ALDH3B2: variants seen among roughly 807,000 people sequenced by gnomAD.
ALDH3B2 encodes the protein aldehyde dehydrogenase 3 family member B2.
A neutral mutation model predicts 36.7 loss-of-function variants in ALDH3B2; 45 were observed. That is an observed-to-expected ratio of 1.23 (90% CI 0.97 to 1.57). The LOEUF (loss-of-function observed/expected upper bound fraction) is 1.57. Ranked by LOEUF, ALDH3B2 falls within the 40% of genes most tolerant of loss-of-function variation. The probability of loss-of-function intolerance (pLI) is 0.00; values close to 1 mark genes in which losing one functional copy is unlikely to be tolerated. For synonymous variants in ALDH3B2, 217 were observed against 226.5 expected, an observed-to-expected ratio of 0.96 and a Z score of 0.38; for missense variants, 464 against 513.3, an observed-to-expected ratio of 0.90 and a Z score of 0.93.
intron 5 of ALDH3B2, 39 bp downstream of exon 5, chr11:67,666,277 T>G: frequency 6.2e-7 from 1 of 1,611,940 alleles, no homozygotes; most frequent in Non-Finnish European, 8.5e-7. Context: ...GGGTGATATA[T>G]GGGGACGTCG....
rs111286973 is a variant in ALDH3B2 at position 67,672,620 on chromosome 11, A to G, written c.-245+1817T>C. 1.6e-3 allele frequency among the ~76,000 whole-genome samples: 244 copies of G among 150,736 alleles called. 4 individuals are homozygous for G. The highest frequency in any genetic ancestry group is 5.7e-3 in the African/African-American group (233 of 40,968). ...TTTTTTTTTTTTAAGATGGAGTCTC[A>G]TTCTGTCACCCAGGCTGGAGTGCAA... On this transcript the variant is annotated intron_variant, in intron 1 of 9. Coordinates refer to ENST00000349015, the Ensembl canonical transcript of ALDH3B2.
At chr11:67,666,772 T>A in intron 3 of ALDH3B2, 78 bp from the exon 4 acceptor site, 1 of 1,608,268 alleles carries the variant, frequency 6.2e-7, no homozygotes, top group Non-Finnish European at 8.5e-7. Context: ...GGGCCTCAGC[T>A]CCCTGTGCGA....
chr11:67,679,237 G>A (rs1856324827), upstream of ALDH3B2, among the ~76,000 whole-genome samples: 2 of 152,136 alleles, frequency 1.3e-5, no homozygotes, highest in South Asian at 2.1e-4. Context: ...GGAGGCTGAG[G>A]TGGACGGATC....
chr11:67,675,534 A>G (rs1028302775), upstream of ALDH3B2, among the ~76,000 whole-genome samples: 1 of 152,204 alleles, frequency 6.6e-6, no homozygotes, highest in African/African-American at 2.4e-5. Context: ...TGAGGGCTGT[A>G]GAGAGTCTCT....
intron 2 of ALDH3B2, 26 bp downstream of exon 2, chr11:67,667,447 G>A: frequency 2.7e-6 from 1 of 366,570 alleles, no homozygotes; most frequent in African/African-American, 2.1e-5. Flanking sequence ...TCCAGCCCCT[G>A]CCGGGGCCCA....
chr11:67,678,392 G>C (rs180923952), upstream of ALDH3B2, among the ~76,000 whole-genome samples: 92 of 152,156 alleles, frequency 6.0e-4, no homozygotes, highest in African/African-American at 2.0e-3. Context: ...TTCAACAAAT[G>C]GTCCTGGGAT....
upstream of ALDH3B2, among the ~76,000 whole-genome samples, chr11:67,678,599 A>T (rs1399893082): frequency 6.6e-6 from 1 of 151,320 alleles, no homozygotes; most frequent in Non-Finnish European, 1.5e-5. Flanking sequence ...ATATATATAT[A>T]CACACACACA....
upstream of ALDH3B2, among the ~76,000 whole-genome samples, chr11:67,676,871 G>A (rs1383642457): frequency 1.3e-5 from 2 of 151,996 alleles, no homozygotes; most frequent in Non-Finnish European, 2.9e-5. Flanking sequence ...TTACATTCCT[G>A]GAAAAATACA....
At chr11:67,665,919 C>A (rs1209600800) in intron 6 of ALDH3B2, among the ~76,000 whole-genome samples, 2 of 152,194 alleles carry the variant, frequency 1.3e-5, no homozygotes, top group African/African-American at 2.4e-5. Context: ...CCCACTGGGA[C>A]CTGCCTCCAG....
At chr11:67,666,720 C>T in intron 3 of ALDH3B2, 26 bp from the exon 4 acceptor site, 1 of 1,613,338 alleles carries the variant, frequency 6.2e-7, no homozygotes, top group Non-Finnish European at 8.5e-7. Context: ...GACAGTGAGG[C>T]CCTGCCAAGG....
chr11:67,665,212 T>C, intron 7 of ALDH3B2, 73 bp downstream of exon 7: 1 of 1,525,944 alleles, frequency 6.6e-7, no homozygotes, highest in Non-Finnish European at 8.8e-7. Context: ...TCCAGACTCG[T>C]GGCCCAGCCG....
At chr11:67,663,458 A>C in intron 9 of ALDH3B2, 59 bp from the exon 10 acceptor site, 2 of 1,562,708 alleles carry the variant, frequency 1.3e-6, no homozygotes, top group Non-Finnish European at 1.7e-6. Flanking sequence ...CCCCAGCAGC[A>C]GCCCACTGCC....
chr11:67,667,047 G>C (rs1376409133), intron 2 of ALDH3B2, 31 bp from the exon 3 acceptor site: 2 of 1,376,930 alleles, frequency 1.5e-6, no homozygotes, highest in East Asian at 4.6e-5. Flanking sequence ...AGAGTGGTCA[G>C]GCCCAGACCT....
intron 1 of ALDH3B2, 66 bp from the exon 2 acceptor site, chr11:67,667,701 C>G (rs1255905102): frequency 1.9e-5 from 5 of 259,096 alleles, no homozygotes; most frequent in Non-Finnish European, 3.6e-5. Flanking sequence ...ACCCTCCAGC[C>G]ACCCCAGGGT....
chr11:67,671,570 G>T (rs993511613), intron 1 of ALDH3B2, among the ~76,000 whole-genome samples: 1 of 148,674 alleles, frequency 6.7e-6, no homozygotes, highest in Non-Finnish European at 1.5e-5. Flanking sequence ...TTTTGGAACG[G>T]AGTTTCGCTC....
chr11:67,672,082 T>TATATATATAC (rs1856135619), intron 1 of ALDH3B2, among the ~76,000 whole-genome samples: 1 of 95,632 alleles, frequency 1.0e-5, no homozygotes, highest in African/African-American at 4.2e-5. Flanking sequence ...TATATATATA[T>TATATATATAC]ATATATGTAT....
In ALDH3B2 at chr11:67,664,218, C is replaced by T. The variant is rs1003343808; in HGVS notation, c.873+178G>A. The T allele has an allele frequency of 3.1e-5, 32 of 1,018,218 alleles. No individual in the cohort carries two copies. In the Admixed American group the frequency reaches 6.2e-4, roughly 20 times the overall value. 63.1% of individuals were successfully genotyped at this position (1,018,218 alleles called of 1,614,324 possible). A position where few individuals can be genotyped will look rare whatever the true frequency, so the allele number is the denominator to read the frequency against. ...CGCTAAGTGTCTGGTGGGTTTGGAC[C>T]CTGTCCTCTCTGCCAGGCATCCTTG... On this transcript the variant is annotated intron_variant, in intron 8 of 9. Transcript: ENST00000349015.
intron 1 of ALDH3B2, among the ~76,000 whole-genome samples, chr11:67,671,909 C>T (rs971998492): frequency 1.3e-4 from 20 of 150,724 alleles, no homozygotes; most frequent in African/African-American, 4.9e-4. Flanking sequence ...TGATTGCCTC[C>T]TTTGGAAAGG....
At chr11:67,667,665 G>A in intron 1 of ALDH3B2, 30 bp from the exon 2 acceptor site, 1 of 327,280 alleles carries the variant, frequency 3.1e-6, no homozygotes, top group Non-Finnish European at 5.1e-6. Context: ...GAACTGGGTG[G>A]CCAGGGCTGC....
Sources: allele counts gnomAD v4.1 joint callset (sites outside exome capture counted in the v4.1 genomes callset), GRCh38; gene constraint gnomAD v4.1.1; transcripts MANE v1.5; gene names NCBI Gene and HGNC (gene_info 2026-07-23, HGNC 2026-07-21).